MYOM2: variants seen among roughly 807,000 people sequenced by gnomAD.
The protein encoded by MYOM2 is myomesin 2.
MYOM2 carries 254 observed loss-of-function variants against 187.6 expected under a neutral mutation model. The observed-to-expected ratio is 1.35, with a 90% CI of 1.22 to 1.50. The LOEUF is 1.50. MYOM2 is among the 40% of genes most tolerant of loss of function. The pLI, the probability that MYOM2 is intolerant of heterozygous loss-of-function variation, is 0.00. For synonymous variants in MYOM2, 981 were observed against 753.8 expected, an observed-to-expected ratio of 1.30 and a Z score of -4.94; for missense variants, 2,796 against 1,924.0, an observed-to-expected ratio of 1.45 and a Z score of -8.48.
intron 13 of MYOM2, among the ~76,000 whole-genome samples, chr8:2,080,186 C>T (rs1379031044): frequency 4.6e-5 from 7 of 152,202 alleles, no homozygotes; most frequent in Admixed American, 4.6e-4. Context: ...AAGGTTTTAA[C>T]TGGACTTAGA....
intron 32 of MYOM2, among the ~76,000 whole-genome samples, chr8:2,137,713 G>A (rs1411395252): frequency 1.3e-5 from 2 of 152,164 alleles, no homozygotes; most frequent in African/African-American, 4.8e-5. Context: ...GTGGAACCCT[G>A]TTTCCTTGGA....
At chr8:2,064,448 G>A (rs118142144) in intron 6 of MYOM2, among the ~76,000 whole-genome samples, 1,648 of 152,326 alleles carry the variant, frequency 0.011, 15 homozygotes, top group Middle Eastern at 0.02. Flanking sequence ...GGCCACCGCC[G>A]TCGTCAGTGG....
chr8:2,050,900 C>G (rs775049272), intron 2 of MYOM2, 27 bp downstream of exon 2: 1 of 1,546,108 alleles, frequency 6.5e-7, no homozygotes, highest in African/African-American at 1.4e-5. Flanking sequence ...TGATGAGACG[C>G]GCAGAGCTTT....
chr8:2,052,344 T>G (rs1272742074), intron 3 of MYOM2, 31 bp downstream of exon 3: 2 of 1,570,994 alleles, frequency 1.3e-6, no homozygotes, highest in Admixed American at 1.9e-5. Flanking sequence ...ACTCCACTTG[T>G]GCCCTGCGTG....
rs144013996 is a variant in MYOM2 at position 2,087,533 on chromosome 8, T to C, written c.1644+2143T>C. The stretch of plus-strand genomic sequence containing the variant: ...TGGTCAGTCCCTCTGTGGGGTCTCC[T>C]AGGGTGGAAGGTATTTTCTCAGGCC... On this transcript the variant is annotated intron_variant, in intron 14 of 36. Transcript: ENST00000262113. Among the ~76,000 whole-genome samples, 330 of 152,328 alleles carry C rather than the reference T, an allele frequency of 2.2e-3. 2 individuals carry two copies. Among genetic ancestry groups the C allele is most frequent in the African/African-American group, 7.5e-3 (310 of 41,568 alleles).
At chr8:2,077,383 G>T (rs1178907631) in intron 11 of MYOM2, among the ~76,000 whole-genome samples, 3 of 152,162 alleles carry the variant, frequency 2.0e-5, no homozygotes, top group African/African-American at 7.2e-5. Context: ...TGGTAGAAAT[G>T]CAAAATTTTA....
At chr8:2,132,615 C>G (rs1489196800) in intron 32 of MYOM2, among the ~76,000 whole-genome samples, 1 of 152,064 alleles carries the variant, frequency 6.6e-6, no homozygotes, top group Non-Finnish European at 1.5e-5. Flanking sequence ...GAGACAGAGT[C>G]TTGCTCTGTC....
intron 32 of MYOM2, among the ~76,000 whole-genome samples, chr8:2,133,036 C>A (rs550528439): frequency 6.6e-6 from 1 of 152,170 alleles, no homozygotes; most frequent in African/African-American, 2.4e-5. Context: ...TTGTGCCTTG[C>A]GGTCCTGGCC....
chr8:2,085,091 G>T, intron 13 of MYOM2, 172 bp from the exon 14 acceptor site: 1 of 681,154 alleles, frequency 1.5e-6, no homozygotes, highest in Non-Finnish European at 2.4e-6. Context: ...GATCTTTATT[G>T]GTGCCTTATC....
intron 28 of MYOM2, among the ~76,000 whole-genome samples, chr8:2,122,591 C>A (rs1450844263): frequency 2.0e-5 from 3 of 152,234 alleles, no homozygotes; most frequent in Non-Finnish European, 4.4e-5. Context: ...ATGTGAACAT[C>A]GAATTGTGAG....
At chr8:2,054,362 A>G (rs984738591) in intron 3 of MYOM2, among the ~76,000 whole-genome samples, 2 of 152,158 alleles carry the variant, frequency 1.3e-5, no homozygotes, top group African/African-American at 4.8e-5. Context: ...GGCCCATTGG[A>G]AATGTCCCTC....
chr8:2,069,530 G>C, intron 8 of MYOM2, 33 bp downstream of exon 8: 1 of 1,612,826 alleles, frequency 6.2e-7, no homozygotes, highest in African/African-American at 1.3e-5. Flanking sequence ...TCTGTGTGGT[G>C]AAATGTTTAG....
At chr8:2,068,567 G>A (rs934526534) in intron 6 of MYOM2, among the ~76,000 whole-genome samples, 5 of 149,966 alleles carry the variant, frequency 3.3e-5, no homozygotes, top group East Asian at 2.0e-4. Flanking sequence ...AGAGCATCCC[G>A]GGGGACAGCT....
intron 13 of MYOM2, among the ~76,000 whole-genome samples, chr8:2,084,173 G>C (rs538625219): frequency 6.6e-6 from 1 of 152,174 alleles, no homozygotes; most frequent in East Asian, 1.9e-4. Flanking sequence ...CACGGTGCAC[G>C]GGTGGAGAGC....
Position 2,085,396 on chromosome 8 carries a change from C to T in MYOM2, c.1644+6C>T. ...TCATGTACTTCATTGAGAAGGTAAA[C>T]TCCGGGCCCGTGTCCTGGAAAAGTA... On this transcript the variant is annotated splice_donor_region_variant and intron_variant, in intron 14 of 36. Coordinates refer to ENST00000262113, the MANE Select transcript of MYOM2 (RefSeq NM_003970.4). 20 of 1,604,898 alleles carry T rather than the reference C, an allele frequency of 1.2e-5. No individual in the cohort carries two copies. The highest frequency in any genetic ancestry group is 1.6e-5 in the Non-Finnish European group (19 of 1,176,188).
intron 27 of MYOM2, among the ~76,000 whole-genome samples, chr8:2,117,499 T>C (rs1489697821): frequency 6.6e-6 from 1 of 152,232 alleles, no homozygotes; most frequent in African/African-American, 2.4e-5. Context: ...AGGTATTATT[T>C]ACCATGTTGT....
At chr8:2,116,391 A>G (rs1207004271) in intron 27 of MYOM2, 116 bp downstream of exon 27, 28 of 1,021,912 alleles carry the variant, frequency 2.7e-5, no homozygotes, top group Non-Finnish European at 4.0e-5. Flanking sequence ...GCTGTTTTAA[A>G]TGATTAAGAG....
chr8:2,117,560 A>G (rs575550035), intron 27 of MYOM2, among the ~76,000 whole-genome samples: 3 of 152,314 alleles, frequency 2.0e-5, no homozygotes, highest in South Asian at 4.2e-4. Flanking sequence ...AATTATTTCA[A>G]TAGCCTCCTT....
At chr8:2,117,805 GTATA>G in intron 27 of MYOM2, 76 bp from the exon 28 acceptor site, 1 of 869,226 alleles carries the variant, frequency 1.2e-6, no homozygotes, top group Admixed American at 2.4e-5. Context: ...ATATGTGTGG[GTATA>G]TATATATAAT....
Sources: allele counts gnomAD v4.1 joint callset (sites outside exome capture counted in the v4.1 genomes callset), GRCh38; gene constraint gnomAD v4.1.1; transcripts MANE v1.5; gene names NCBI Gene and HGNC (gene_info 2026-07-23, HGNC 2026-07-21).